Variants in DICER1 observed in about 807,000 individuals in gnomAD.
DICER1 encodes the protein dicer 1, ribonuclease III.
In DICER1, 43 loss-of-function variants were observed where a neutral mutation model predicts 194.1. The observed-to-expected ratio is 0.22, with a 90% CI of 0.17 to 0.29. DICER1 has a LOEUF of 0.29. Ranked by LOEUF, DICER1 falls within the 10% of genes least tolerant of loss-of-function variation. The pLI, the probability that DICER1 is intolerant of heterozygous loss-of-function variation, is 1.00. For missense variants in DICER1, 1,608 were observed against 2,317.0 expected (o/e 0.69, Z 6.28); for synonymous variants, 832 against 820.5 (o/e 1.01, Z -0.24).
rs1425438919 is a variant in DICER1 at position 95,086,715 on chromosome 14, C to T, written c.*3783G>A. On this transcript the variant is annotated 3_prime_UTR_variant, in exon 27 of 27. Transcript: ENST00000343455. ...CAAATTTCCTAGATATTGCTATTGG[C>T]GTCTCCAACAACTTTAAAAATCATT... The T allele has an allele frequency of 2.1e-5, 5 of 232,898 alleles. No homozygotes were observed. Among genetic ancestry groups the T allele is most frequent in the East Asian group, 1.2e-4 (2 of 16,430 alleles). 14.4% of individuals were successfully genotyped at this position (232,898 alleles called of 1,614,324 possible).
At chr14:95,092,009 T>C (rs1566747601) in intron 24 of DICER1, among the ~76,000 whole-genome samples, 2 of 152,226 alleles carry the variant, frequency 1.3e-5, no homozygotes, top group Non-Finnish European at 2.9e-5. Flanking sequence ...ATTGCATCTC[T>C]AAGAACTTAT....
chr14:95,116,333 T>C, intron 10 of DICER1, 120 bp downstream of exon 10: 1 of 1,242,194 alleles, frequency 8.1e-7, no homozygotes. Flanking sequence ...TACACCTCTT[T>C]TGAGATTATT....
chr14:95,097,637 A>AACTTT (rs151110570), intron 22 of DICER1, among the ~76,000 whole-genome samples: 5,344 of 152,264 alleles, frequency 0.035, 335 homozygotes, highest in African/African-American at 0.12. Context: ...AAAACCAAAA[A>AACTTT]ACTTGTGAAG....
chr14:95,113,750 T>C (rs1159343853), intron 11 of DICER1, among the ~76,000 whole-genome samples: 1 of 152,030 alleles, frequency 6.6e-6, no homozygotes, highest in Admixed American at 6.5e-5. Flanking sequence ...CCAGGGAAGG[T>C]TGGAACAGGG....
chr14:95,097,967 TG>T (rs1890512540), intron 22 of DICER1, among the ~76,000 whole-genome samples: 1 of 152,228 alleles, frequency 6.6e-6, no homozygotes, highest in African/African-American at 2.4e-5. Context: ...AAGATGTTTT[TG>T]ATTGGTCCTT....
intron 23 of DICER1, chr14:95,095,223 G>C (rs912028456): frequency 6.5e-6 from 1 of 153,938 alleles, no homozygotes; most frequent in African/African-American, 2.4e-5. Flanking sequence ...AGCTGATTTG[G>C]GTGTGAGGGG....
chr14:95,105,809 T>C lies in DICER1; in HGVS notation c.2988-26A>G, dbSNP rs1891367350. On this transcript the variant is annotated intron_variant, in intron 18 of 26. Coordinates refer to ENST00000343455, the MANE Select transcript of DICER1 (RefSeq NM_177438.3). The surrounding 1 kb of genome is among the most constrained non-coding windows in gnomAD (Gnocchi z 4.9). ...CTGTAAGAATTCCAAAACAATTTTA[T>C]CAAACACACAAAAATGAGTACATAT... is the stretch of plus-strand genomic sequence containing the variant. The C allele has an allele frequency of 6.3e-7, 1 of 1,588,772 alleles. No homozygotes were observed. The highest frequency in any genetic ancestry group is 1.3e-5 in the African/African-American group (1 of 74,338).
In DICER1 at chr14:95,086,273, TA is replaced by T. The variant is rs944465555; in HGVS notation, c.*4224del. ...TGGAGATTTACTTGGCTACAATTAT[TA>T]CAAAAAAAACAACTAAAGGTAATTG... On this transcript the variant is annotated 3_prime_UTR_variant, in exon 27 of 27. Coordinates refer to ENST00000343455, the MANE Select transcript of DICER1 (RefSeq NM_177438.3). The T allele has an allele frequency of 8.6e-6, 2 of 232,574 alleles. No homozygotes were observed. The highest frequency in any genetic ancestry group is 1.7e-5 in the Non-Finnish European group (2 of 117,744). The allele number at this position is 232,574 out of a possible 1,614,324, so 14.4% of individuals were successfully genotyped here. A position where few individuals can be genotyped will look rare whatever the true frequency, so the allele number is the denominator to read the frequency against.
chr14:95,128,022 A>C (rs1893630231), intron 6 of DICER1, among the ~76,000 whole-genome samples: 3 of 152,192 alleles, frequency 2.0e-5, no homozygotes, highest in African/African-American at 7.2e-5. Context: ...TGCAAATATC[A>C]CTTTTATTTT....
At chr14:95,117,487 T>C (rs1323026823) in intron 9 of DICER1, 135 bp downstream of exon 9, 1 of 921,208 alleles carries the variant, frequency 1.1e-6, no homozygotes, top group Non-Finnish European at 1.7e-6. Flanking sequence ...GCTGGTCTAA[T>C]ATATGAAGAA....
chr14:95,116,353 TAA>T, intron 10 of DICER1, 98 bp downstream of exon 10: 1 of 1,424,144 alleles, frequency 7.0e-7, no homozygotes, highest in East Asian at 2.3e-5. Context: ...TGCCTGTAGA[TAA>T]AACTCATTAT....
chr14:95,114,080 G>C (rs1474583083), intron 11 of DICER1, among the ~76,000 whole-genome samples: 1 of 152,152 alleles, frequency 6.6e-6, no homozygotes, highest in Non-Finnish European at 1.5e-5. Context: ...ATGTAAACAT[G>C]AACAAACAAA....
At chr14:95,095,762 C>T in intron 23 of DICER1, 63 bp downstream of exon 23, 3 of 1,566,344 alleles carry the variant, frequency 1.9e-6, no homozygotes, top group Non-Finnish European at 2.6e-6. Flanking sequence ...ACAAGGCCAA[C>T]ACGATGAGAT....
chr14:95,097,025 T>G (rs1037112237), intron 22 of DICER1, among the ~76,000 whole-genome samples: 3 of 152,156 alleles, frequency 2.0e-5, no homozygotes, highest in African/African-American at 7.2e-5. Context: ...AATGCAAAAC[T>G]TCAACTAAGT....
rs780581268 is a variant in DICER1 at position 95,108,035 on chromosome 14, T to C, written c.2495A>G (p.Lys832Arg). The change falls in exon 16 of 27, where the codon AAG (lysine) becomes AGG (arginine). Residue 832 changes from lysine (K) to arginine (R), a missense_variant. This residue lies in a region of DICER1 where 150 missense variants were observed against 216.0 expected (regional missense o/e 0.69). Transcript: ENST00000343455. ...SGEVTISIEL[K>R]KSGFMLSLQM... Reference sequence around the variant, plus strand: ...TAGAGACAACATGAAACCAGACTTCTTCAACTCAATGGATATGGTAACCTC... The same window carrying C: ...TAGAGACAACATGAAACCAGACTTCCTCAACTCAATGGATATGGTAACCTC... 6.2e-7 allele frequency: 1 copy of C among 1,613,998 alleles called. No individual in the cohort carries two copies. The highest frequency in any genetic ancestry group is 8.5e-7 in the Non-Finnish European group (1 of 1,179,872).
At position 95,090,159 on chromosome 14, in the gene DICER1, C is replaced by G. The variant is rs573788003; in HGVS notation, c.*339G>C. 39 of 397,188 alleles carry G rather than the reference C, an allele frequency of 9.8e-5. 1 individual carries two copies. Among genetic ancestry groups the G allele is most frequent in the South Asian group, 9.1e-4 (36 of 39,584 alleles). The allele number at this position is 397,188 out of a possible 1,614,324, so 24.6% of individuals were successfully genotyped here. On this transcript the variant is annotated 3_prime_UTR_variant, in exon 27 of 27. Transcript: ENST00000343455. ...CATGGCCTTCTAACACTAAGCAAAG[C>G]TGACATAAACTCAAAAAAAAAAAAA...
chr14:95,097,221 T>TA (rs1220994944), intron 22 of DICER1, among the ~76,000 whole-genome samples: 9 of 152,204 alleles, frequency 5.9e-5, no homozygotes, highest in Admixed American at 5.2e-4. Flanking sequence ...TAAAAACAGA[T>TA]AAAATCATTT....
At chr14:95,137,337 G>C (rs1469748074) in intron 1 of DICER1, among the ~76,000 whole-genome samples, 2 of 141,750 alleles carry the variant, frequency 1.4e-5, no homozygotes, top group African/African-American at 5.4e-5. Flanking sequence ...AAAGGGAAAG[G>C]GGAAGGGGAA....
chr14:95,101,296 A>G (rs1212351636), intron 21 of DICER1, among the ~76,000 whole-genome samples: 1 of 152,172 alleles, frequency 6.6e-6, no homozygotes, highest in African/African-American at 2.4e-5. Context: ...GGGAGTGATC[A>G]TTCTTTCTGC....
Sources: allele counts gnomAD v4.1 joint callset (sites outside exome capture counted in the v4.1 genomes callset), GRCh38; gene constraint gnomAD v4.1.1; regional missense constraint gnomAD v4.1.1; non-coding constraint Gnocchi (gnomAD v3.1); transcripts MANE v1.5; gene names NCBI Gene and HGNC (gene_info 2026-07-23, HGNC 2026-07-21).